ST3GAL5: variants seen among roughly 807,000 people sequenced by gnomAD.
ST3GAL5 encodes the protein lactosylceramide alpha-2,3-sialyltransferase.
In ST3GAL5, 25 loss-of-function variants were observed where a neutral mutation model predicts 46.1. That is an observed-to-expected ratio of 0.54 (90% confidence interval 0.40 to 0.76). ST3GAL5 has a LOEUF of 0.76. Among genes scored for constraint, ST3GAL5 ranks in the 30% least tolerant of loss-of-function variants. ST3GAL5 has a pLI of 0.00. For synonymous variants in ST3GAL5, 182 were observed against 192.7 expected (o/e 0.94, Z 0.46); for missense variants, 431 against 521.2 (o/e 0.83, Z 1.69).
intron 1 of ST3GAL5, among the ~76,000 whole-genome samples, chr2:85,886,977 C>T (rs943773824): frequency 3.3e-5 from 5 of 152,170 alleles, no homozygotes; most frequent in Non-Finnish European, 5.9e-5. Flanking sequence ...CGGATTAAAT[C>T]GCTCCTCAGG....
At position 85,846,387 on chromosome 2, in the gene ST3GAL5, T is replaced by C; in HGVS notation, c.839A>G (p.Lys280Arg). ...AGTATTAGTGCTTACCAGGGTTTCCTTTTTTACCATTGCTTGAAGCCAGTT... is the reference window on the plus strand; with the variant it reads ...AGTATTAGTGCTTACCAGGGTTTCCCTTTTTACCATTGCTTGAAGCCAGTT... ...DFNWLQAMVK[K>R]ETLPFWVRLF... The change falls in exon 5 of 7, where the codon AAG becomes AGG. Residue 280 changes from lysine to arginine, a missense_variant. Lys to Arg is a conservative substitution (Grantham distance 26). Coordinates refer to ENST00000638572, the MANE Select transcript of ST3GAL5 (RefSeq NM_003896.4). 6.2e-7 allele frequency: 1 copy of C among 1,613,724 alleles called. No individual in the cohort carries two copies. The highest frequency in any genetic ancestry group is 1.3e-5 in the African/African-American group (1 of 75,034).
chr2:85,862,077 CATA>C (rs1684793942), intron 2 of ST3GAL5, among the ~76,000 whole-genome samples: 1 of 151,410 alleles, frequency 6.6e-6, no homozygotes, highest in South Asian at 2.1e-4. Flanking sequence ...ATATATTATA[CATA>C]ATAGATGCAA....
intron 1 of ST3GAL5, among the ~76,000 whole-genome samples, chr2:85,884,569 TC>T (rs528512039): frequency 7.6e-4 from 116 of 152,226 alleles, no homozygotes; most frequent in African/African-American, 2.5e-3. Flanking sequence ...AGTCCCTAAG[TC>T]CTGGGTGACA....
At chr2:85,882,978 T>G (rs116104115) in intron 1 of ST3GAL5, among the ~76,000 whole-genome samples, 1 of 152,198 alleles carries the variant, frequency 6.6e-6, no homozygotes, top group East Asian at 1.9e-4. Context: ...TTTGATTTTA[T>G]AGGCCCATAG....
chr2:85,844,542 G>A lies in ST3GAL5; in HGVS notation c.862C>T (p.Arg288Ter), dbSNP rs104893668. Residue 288 changes from arginine (R) to a stop codon, truncating the protein, a stop_gained, in exon 6 of 7, where the codon CGA (arginine) becomes TGA (stop). Coordinates refer to ENST00000638572, the MANE Select transcript of ST3GAL5 (RefSeq NM_003896.4). LOFTEE classifies it high-confidence loss of function. ...GCCACCTGCTTCCAAAAGAAGAGTC[G>A]TACCCAGAATGGCTAAGGAAAGCAA... ...VKKETLPFWV[R>*]LFFWKQVAEK... 46 of 1,613,942 alleles carry A rather than the reference G, an allele frequency of 2.9e-5. No individual in the cohort carries two copies. The highest frequency in any genetic ancestry group is 3.7e-5 in the Non-Finnish European group (44 of 1,180,030).
chr2:85,876,284 C>T (rs1465572864), intron 1 of ST3GAL5, among the ~76,000 whole-genome samples: 1 of 152,082 alleles, frequency 6.6e-6, no homozygotes, highest in Non-Finnish European at 1.5e-5. Context: ...CTAGTCTAAA[C>T]CAGGTAAATG....
chr2:85,847,809 AAATAAAAAC>A, intron 4 of ST3GAL5, 43 bp downstream of exon 4: 1 of 1,591,442 alleles, frequency 6.3e-7, no homozygotes. Context: ...AAATAAAATA[AAATAAAAAC>A]AATAAAAATA....
At position 85,888,941 on chromosome 2, in the gene ST3GAL5, T is replaced by A. The variant is rs1332848540; in HGVS notation, c.-36A>T. On this transcript the variant is annotated 5_prime_UTR_variant, in exon 1 of 7. Transcript: ENST00000638572. ...GGGCGCCGGCCGGCCGCCAGCCCGG[T>A]ACCCCGCGCCCCCACCCGCCCCCAG... 1 of 1,298,370 alleles carries A rather than the reference T, an allele frequency of 7.7e-7. No homozygotes were observed. The highest frequency in any genetic ancestry group is 9.8e-7 in the Non-Finnish European group (1 of 1,021,212). The allele number at this position is 1,298,370 out of a possible 1,614,324, so 80.4% of individuals were successfully genotyped here.
chr2:85,863,414 G>A lies in ST3GAL5; in HGVS notation c.154C>T (p.Arg52Ter), dbSNP rs748497823. 38 of 1,614,162 alleles carry A rather than the reference G, an allele frequency of 2.4e-5. No individual in the cohort carries two copies. The highest frequency in any genetic ancestry group is 2.9e-5 in the Non-Finnish European group (34 of 1,180,012). ...CSRPSLQWYT[R>*]AQSKMRRPSL... ...GGCCTTCTCATCTTGCTTTGAGCTC[G>A]GGTGTACCATTGCAGGGAAGGCCTC... is the stretch of plus-strand genomic sequence containing the variant. The change falls in exon 2 of 7, where the codon CGA (arginine) becomes TGA (stop). Residue 52 changes from arginine (R) to a stop codon, truncating the protein, a stop_gained. Coordinates refer to ENST00000638572, the MANE Select transcript of ST3GAL5 (RefSeq NM_003896.4). LOFTEE classifies it high-confidence loss of function.
intron 3 of ST3GAL5, chr2:85,860,891 G>A (rs977865760): frequency 1.5e-5 from 6 of 398,836 alleles, no homozygotes; most frequent in African/African-American, 1.0e-4. Context: ...TTACTTTATA[G>A]CATCAGGGCA....
intron 1 of ST3GAL5, among the ~76,000 whole-genome samples, chr2:85,866,887 T>C (rs1685346437): frequency 6.6e-6 from 1 of 152,248 alleles, no homozygotes; most frequent in African/African-American, 2.4e-5. Flanking sequence ...TACATGTTTG[T>C]AGCCTGTCAT....
chr2:85,843,114 T>C (rs1682352467), intron 6 of ST3GAL5, among the ~76,000 whole-genome samples: 1 of 152,222 alleles, frequency 6.6e-6, no homozygotes, highest in African/African-American at 2.4e-5. Context: ...TTTTCCTATA[T>C]TCTTCATCCT....
At chr2:85,844,302 A>T in intron 6 of ST3GAL5, 94 bp downstream of exon 6, 2 of 1,539,478 alleles carry the variant, frequency 1.3e-6, no homozygotes, top group Non-Finnish European at 1.8e-6. Flanking sequence ...TCTCCACTGG[A>T]GATGCTTCTG....
At chr2:85,885,192 C>T (rs1326547725) in intron 1 of ST3GAL5, among the ~76,000 whole-genome samples, 1 of 152,176 alleles carries the variant, frequency 6.6e-6, no homozygotes, top group Non-Finnish European at 1.5e-5. Flanking sequence ...CAGAAGTAGA[C>T]ATAAAGTATA....
At chr2:85,888,274 T>TAC in intron 1 of ST3GAL5, 1 of 152,270 alleles carries the variant, frequency 6.6e-6, no homozygotes, top group East Asian at 1.9e-4. Flanking sequence ...AGCCACGGCT[T>TAC]ACAATTCAGA....
At chr2:85,858,811 T>G (rs925760138) in intron 3 of ST3GAL5, among the ~76,000 whole-genome samples, 1 of 152,252 alleles carries the variant, frequency 6.6e-6, no homozygotes, top group Non-Finnish European at 1.5e-5. Flanking sequence ...GACTGCCATG[T>G]GCCCTGTACC....
chr2:85,839,352 T>C lies in ST3GAL5; in HGVS notation c.*792A>G, dbSNP rs904655777. ...ACTCTGGATAATAGAAGTTTTGTTC[T>C]GATTTTTTAAGTCACCTCAGACAGA... On this transcript the variant is annotated 3_prime_UTR_variant, in exon 7 of 7. Coordinates refer to ENST00000638572, the MANE Select transcript of ST3GAL5 (RefSeq NM_003896.4). 6.6e-6 allele frequency: 1 copy of C among 152,306 alleles called. No individual in the cohort carries two copies. The highest frequency in any genetic ancestry group is 1.9e-4 in the East Asian group (1 of 5,208). 9.4% of individuals were successfully genotyped at this position (152,306 alleles called of 1,614,324 possible).
chr2:85,863,004 T>C (rs1406418734), intron 2 of ST3GAL5, among the ~76,000 whole-genome samples: 1 of 152,150 alleles, frequency 6.6e-6, no homozygotes, highest in African/African-American at 2.4e-5. Context: ...TCAGGGAAAT[T>C]TAATTAACCA....
In ST3GAL5 at chr2:85,839,731, C is replaced by T. The variant is rs1476038115; in HGVS notation, c.*413G>A. 3 of 321,406 alleles carry T rather than the reference C, an allele frequency of 9.3e-6. No individual in the cohort carries two copies. Among genetic ancestry groups the T allele is most frequent in the Non-Finnish European group, 1.8e-5 (3 of 166,198 alleles). 19.9% of individuals were successfully genotyped at this position (321,406 alleles called of 1,614,324 possible). ...ATCCTCCGTGGGTCACACCAAGCAG[C>T]GCAGCAGGGAACCAGAATGAGGTTC... On this transcript the variant is annotated 3_prime_UTR_variant, in exon 7 of 7. Transcript: ENST00000638572.
Sources: gnomAD v4.1 joint callset for allele counts (sites outside exome capture counted in the v4.1 genomes callset) on GRCh38, gnomAD v4.1.1 for gene constraint, MANE v1.5 for transcripts, NCBI Gene and HGNC (gene_info 2026-07-23, HGNC 2026-07-21) for gene names.